Variants in PARVA observed in about 807,000 individuals in gnomAD.
The protein encoded by PARVA is alpha-parvin.
A neutral mutation model predicts 52.6 loss-of-function variants in PARVA; 25 were observed. That is an observed-to-expected ratio of 0.48 (90% CI 0.35 to 0.66). The LOEUF (loss-of-function observed/expected upper bound fraction) is 0.66, where lower values mean the gene tolerates loss of function less well. Ranked by LOEUF, PARVA falls within the 30% of genes least tolerant of loss-of-function variation. The probability of loss-of-function intolerance (pLI) is 0.01; values close to 1 mark genes in which losing one functional copy is unlikely to be tolerated. For missense variants in PARVA, 373 were observed against 450.9 expected (o/e 0.83, Z 1.56); for synonymous variants, 185 against 179.1 (o/e 1.03, Z -0.26).
At chr11:12,408,211 C>T (rs1358046601) in intron 1 of PARVA, among the ~76,000 whole-genome samples, 1 of 152,184 alleles carries the variant, frequency 6.6e-6, no homozygotes, top group Non-Finnish European at 1.5e-5. Context: ...ATGTCTGGCC[C>T]TGCAGCCTTT....
intron 4 of PARVA, among the ~76,000 whole-genome samples, chr11:12,486,164 C>T (rs998943938): frequency 1.2e-4 from 19 of 152,092 alleles, no homozygotes; most frequent in African/African-American, 3.9e-4. Context: ...AAACTGAGTT[C>T]GGAGTGCATA....
At chr11:12,487,685 G>A (rs1941177549) in intron 4 of PARVA, among the ~76,000 whole-genome samples, 1 of 150,884 alleles carries the variant, frequency 6.6e-6, no homozygotes, top group South Asian at 2.1e-4. Flanking sequence ...TAAACTGAAA[G>A]AGTTATTTTC....
intron 1 of PARVA, among the ~76,000 whole-genome samples, chr11:12,414,847 C>T (rs996091210): frequency 1.3e-5 from 2 of 152,094 alleles, no homozygotes; most frequent in Admixed American, 6.6e-5. Flanking sequence ...AGCCCTGGAT[C>T]GATGTGAACT....
intron 1 of PARVA, among the ~76,000 whole-genome samples, chr11:12,425,479 C>T (rs1309082035): frequency 6.6e-6 from 1 of 152,168 alleles, no homozygotes; most frequent in Non-Finnish European, 1.5e-5. Context: ...CTCATTGCCT[C>T]TTCCCAACAC....
At chr11:12,501,861 T>C (rs1015523170) in intron 5 of PARVA, among the ~76,000 whole-genome samples, 2 of 150,494 alleles carry the variant, frequency 1.3e-5, no homozygotes, top group African/African-American at 2.5e-5. Context: ...ACAATGGAGA[T>C]GGTGTACAAT....
intron 10 of PARVA, 24 bp from the exon 11 acceptor site, chr11:12,517,586 G>A (rs1438787335): frequency 4.6e-6 from 7 of 1,528,250 alleles, no homozygotes; most frequent in Middle Eastern, 1.7e-4. Context: ...AGGGGCCAGT[G>A]CCATCACCTG....
chr11:12,390,842 C>T (rs1939648774), intron 1 of PARVA, among the ~76,000 whole-genome samples: 1 of 152,154 alleles, frequency 6.6e-6, no homozygotes, highest in Admixed American at 6.5e-5. Flanking sequence ...CAGCAGGAAC[C>T]AACAGTTTTG....
intron 1 of PARVA, among the ~76,000 whole-genome samples, chr11:12,385,049 G>A (rs926145652): frequency 1.3e-5 from 2 of 152,156 alleles, no homozygotes; most frequent in Non-Finnish European, 2.9e-5. Flanking sequence ...AAGGTTTCTA[G>A]AATGAGGCTG....
intron 10 of PARVA, 70 bp from the exon 11 acceptor site, chr11:12,517,540 G>C: frequency 8.5e-7 from 1 of 1,177,308 alleles, no homozygotes. Context: ...CACAGAAGTT[G>C]ATGGGCCCCC....
At chr11:12,463,800 T>TTA (rs1230738288) in intron 1 of PARVA, among the ~76,000 whole-genome samples, 6 of 152,192 alleles carry the variant, frequency 3.9e-5, no homozygotes, top group African/African-American at 1.4e-4. Flanking sequence ...ATTCAATTAT[T>TTA]TATATCACTA....
At chr11:12,434,551 A>C (rs1940361895) in intron 1 of PARVA, among the ~76,000 whole-genome samples, 1 of 152,040 alleles carries the variant, frequency 6.6e-6, no homozygotes, top group Non-Finnish European at 1.5e-5. Context: ...CCCATGGTTC[A>C]TGGCTTGGAT....
intron 1 of PARVA, among the ~76,000 whole-genome samples, chr11:12,466,198 A>G (rs530925790): frequency 6.6e-6 from 1 of 152,320 alleles, no homozygotes; most frequent in Admixed American, 6.5e-5. Context: ...TCAGACTTGC[A>G]TACAAGTCTT....
At chr11:12,456,285 G>A (rs916211868) in intron 1 of PARVA, among the ~76,000 whole-genome samples, 1 of 152,206 alleles carries the variant, frequency 6.6e-6, no homozygotes, top group African/African-American at 2.4e-5. Flanking sequence ...TGTCATCTAC[G>A]CTTCATTATA....
intron 1 of PARVA, among the ~76,000 whole-genome samples, chr11:12,465,671 T>C (rs1469928772): frequency 6.6e-6 from 1 of 152,232 alleles, no homozygotes; most frequent in Admixed American, 6.5e-5. Flanking sequence ...TAAGGTTCTT[T>C]CATGTCTCTT....
In PARVA at chr11:12,533,821, G is replaced by C. The variant is rs1020739140; in HGVS notation, c.*5896G>C. On this transcript the variant is annotated 3_prime_UTR_variant, in exon 13 of 13. Coordinates refer to ENST00000334956, the MANE Select transcript of PARVA (RefSeq NM_018222.5). ...ACATTGAGTAGGCGGAGGAGGAGGA[G>C]GAGGAGGAGGAGTAGGGGTTGGTCT... 5.9e-5 allele frequency among the ~76,000 whole-genome samples: 9 copies of C among 151,920 alleles called. No individual in the cohort carries two copies. Among genetic ancestry groups the C allele is most frequent in the African/African-American group, 9.7e-5 (4 of 41,302 alleles).
intron 4 of PARVA, among the ~76,000 whole-genome samples, chr11:12,483,472 A>G (rs1043963245): frequency 3.9e-5 from 6 of 152,240 alleles, no homozygotes; most frequent in African/African-American, 1.4e-4. Flanking sequence ...AAACCACGTA[A>G]CAACACATCT....
chr11:12,430,401 C>T (rs1009629688), intron 1 of PARVA, among the ~76,000 whole-genome samples: 2 of 152,202 alleles, frequency 1.3e-5, no homozygotes, highest in Admixed American at 1.3e-4. Flanking sequence ...TGGTAGGAGC[C>T]AGTTCCAACA....
At chr11:12,377,470 G>A (rs1307401122), upstream of PARVA, 6 of 1,405,130 alleles carry the variant, frequency 4.3e-6, no homozygotes, top group East Asian at 1.5e-4. Flanking sequence ...AGGGCGGCGC[G>A]AGGGAGGGAG....
chr11:12,426,024 C>T (rs1239180984), intron 1 of PARVA, among the ~76,000 whole-genome samples: 2 of 151,964 alleles, frequency 1.3e-5, no homozygotes, highest in African/African-American at 4.8e-5. Flanking sequence ...TTGAGTACCT[C>T]CCATGTGCCA....
Sources: gnomAD v4.1 joint callset for allele counts (sites outside exome capture counted in the v4.1 genomes callset) on GRCh38, gnomAD v4.1.1 for gene constraint, MANE v1.5 for transcripts, NCBI Gene and HGNC (gene_info 2026-07-23, HGNC 2026-07-21) for gene names.